The following MINPP1 variants were observed in gnomAD, a reference collection of about 807,000 sequenced individuals.
MINPP1 encodes multiple inositol-polyphosphate phosphatase 1, also known as multiple inositol polyphosphate phosphatase 1.
Under a neutral mutation model 46.1 loss-of-function variants are expected in MINPP1, and 28 were observed. The ratio of observed to expected loss-of-function variants is 0.61; its 90% CI spans 0.45 to 0.83. The LOEUF is 0.83. Ranked by LOEUF, MINPP1 falls within the 40% of genes least tolerant of loss-of-function variation. MINPP1 has a pLI of 0.00. For missense variants in MINPP1, 603 were observed against 610.0 expected, an observed-to-expected ratio of 0.99 and a Z score of 0.12; for synonymous variants, 268 against 249.1, an observed-to-expected ratio of 1.08 and a Z score of -0.72.
chr10:87,540,749 A>T (rs1851804651), intron 4 of MINPP1, among the ~76,000 whole-genome samples: 1 of 152,156 alleles, frequency 6.6e-6, no homozygotes, highest in African/African-American at 2.4e-5. Context: ...AGTTCCTAGG[A>T]GATGGTTTAA....
At chr10:87,518,623 T>C (rs887666550) in intron 3 of MINPP1, among the ~76,000 whole-genome samples, 1 of 151,692 alleles carries the variant, frequency 6.6e-6, no homozygotes, top group Non-Finnish European at 1.5e-5. Flanking sequence ...TACCTGGAGG[T>C]AGTATTAGAT....
intron 1 of MINPP1, chr10:87,507,984 C>T: frequency 7.2e-7 from 1 of 1,383,586 alleles, no homozygotes. Flanking sequence ...TTCTCTCTCA[C>T]CTTGTAAGTA....
intron 1 of MINPP1, chr10:87,507,941 C>G (rs1259350498): frequency 7.7e-7 from 1 of 1,303,416 alleles, no homozygotes; most frequent in Non-Finnish European, 9.7e-7. Context: ...TAGACTTTGG[C>G]TTAGAGTGAA....
At chr10:87,508,668 C>CA (rs1195614722) in intron 2 of MINPP1, 135 bp downstream of exon 2, 10 of 866,124 alleles carry the variant, frequency 1.2e-5, no homozygotes, top group African/African-American at 3.4e-5. Context: ...TGTTCTGGGT[C>CA]AAAAAAATTG....
At chr10:87,514,394 A>G (rs757297177) in intron 3 of MINPP1, among the ~76,000 whole-genome samples, 18 of 152,248 alleles carry the variant, frequency 1.2e-4, no homozygotes, top group Non-Finnish European at 2.1e-4. Flanking sequence ...TTCACGTCTT[A>G]AGTCTTTTAT....
intron 3 of MINPP1, among the ~76,000 whole-genome samples, chr10:87,513,538 C>T (rs886559196): frequency 1.2e-4 from 18 of 152,116 alleles, no homozygotes; most frequent in Admixed American, 8.5e-4. Context: ...GATTATAGAG[C>T]TGATATAATC....
At chr10:87,517,697 A>G (rs1018809642) in intron 3 of MINPP1, among the ~76,000 whole-genome samples, 12 of 152,186 alleles carry the variant, frequency 7.9e-5, no homozygotes, top group South Asian at 2.1e-4. Flanking sequence ...TGCTATGAAC[A>G]TTATTGTATA....
At chr10:87,534,658 A>T (rs1225603454) in intron 4 of MINPP1, among the ~76,000 whole-genome samples, 1 of 152,250 alleles carries the variant, frequency 6.6e-6, no homozygotes, top group African/African-American at 2.4e-5. Context: ...TGACCCCAAC[A>T]GTAGAACCGG....
intron 2 of MINPP1, among the ~76,000 whole-genome samples, chr10:87,509,479 C>G (rs1436243478): frequency 2.0e-5 from 3 of 152,180 alleles, no homozygotes; most frequent in Non-Finnish European, 4.4e-5. Flanking sequence ...GGAAATAATT[C>G]AAACACGAAG....
chr10:87,505,453 A>G lies in MINPP1; in HGVS notation c.538A>G (p.Ile180Val). ...SRENYGRLRLITSSKHRCMDS... is the reference protein window; with the variant it reads ...SRENYGRLRLVTSSKHRCMDS... Reference sequence around the variant, plus strand: ...TGAGAACTACGGCCGCCTGCGGCTCATCACCAGTTCCAAGCACCGCTGCAT... The same window carrying G: ...TGAGAACTACGGCCGCCTGCGGCTCGTCACCAGTTCCAAGCACCGCTGCAT... Residue 180 changes from isoleucine to valine, a missense_variant, in exon 1 of 5, where the codon ATC (isoleucine) becomes GTC (valine). Ile to Val is a conservative substitution (Grantham distance 29). Transcript: ENST00000371996. The surrounding 1 kb of genome is among the most constrained non-coding windows in gnomAD (Gnocchi z 4.4). 2 of 1,613,326 alleles carry G rather than the reference A, an allele frequency of 1.2e-6. No homozygotes were observed. The highest frequency in any genetic ancestry group is 1.7e-6 in the Non-Finnish European group (2 of 1,179,584).
chr10:87,533,217 AT>A (rs889753881), intron 4 of MINPP1, among the ~76,000 whole-genome samples: 21 of 151,088 alleles, frequency 1.4e-4, no homozygotes, highest in Admixed American at 1.1e-3. Flanking sequence ...GTGCCACTGA[AT>A]TTTTTTTTCA....
chr10:87,550,702 G>A (rs1170733345), intron 4 of MINPP1, among the ~76,000 whole-genome samples: 1 of 151,922 alleles, frequency 6.6e-6, no homozygotes, highest in Non-Finnish European at 1.5e-5. Context: ...ATGATGGGTT[G>A]TTTTCTGAGA....
chr10:87,510,394 G>T (rs967075017), intron 2 of MINPP1, among the ~76,000 whole-genome samples: 1 of 152,162 alleles, frequency 6.6e-6, no homozygotes, highest in Admixed American at 6.5e-5. Flanking sequence ...ACATATGAAT[G>T]ACTCGATTTG....
chr10:87,539,668 T>C (rs1479354221), intron 4 of MINPP1, among the ~76,000 whole-genome samples: 1 of 152,212 alleles, frequency 6.6e-6, no homozygotes, highest in Non-Finnish European at 1.5e-5. Flanking sequence ...ACGGGGATTC[T>C]TGGGGTATAG....
At chr10:87,506,523 C>T (rs970400912) in intron 1 of MINPP1, among the ~76,000 whole-genome samples, 2 of 152,070 alleles carry the variant, frequency 1.3e-5, no homozygotes, top group Non-Finnish European at 2.9e-5. Context: ...AATTGATACA[C>T]GAACACATTA....
At chr10:87,536,942 CT>C (rs968287819) in intron 4 of MINPP1, among the ~76,000 whole-genome samples, 59 of 146,252 alleles carry the variant, frequency 4.0e-4, no homozygotes, top group Non-Finnish European at 4.1e-4. Flanking sequence ...GTATTTTTCA[CT>C]TTTTTTTTTT....
chr10:87,520,057 A>AGTTGTGTGTGTGTGTGTGTGTGT (rs1554852418), intron 3 of MINPP1, among the ~76,000 whole-genome samples: 11 of 147,472 alleles, frequency 7.5e-5, no homozygotes, highest in African/African-American at 2.5e-4. Context: ...TAAAAGGTAT[A>AGTTGTGTGTGTGTGTGTGTGTGT]GTGTGTGTGT....
At chr10:87,509,174 A>T (rs1851299059) in intron 2 of MINPP1, among the ~76,000 whole-genome samples, 1 of 152,246 alleles carries the variant, frequency 6.6e-6, no homozygotes, top group South Asian at 2.1e-4. Context: ...TGGGAGATTA[A>T]GAAAATAAGA....
At chr10:87,543,176 G>T (rs1851840491) in intron 4 of MINPP1, among the ~76,000 whole-genome samples, 1 of 152,184 alleles carries the variant, frequency 6.6e-6, no homozygotes. Flanking sequence ...ATGTGGCCTG[G>T]CTGCTTCTAA....
Sources: allele counts gnomAD v4.1 joint callset (sites outside exome capture counted in the v4.1 genomes callset), GRCh38; gene constraint gnomAD v4.1.1; non-coding constraint Gnocchi (gnomAD v3.1); transcripts MANE v1.5; gene names NCBI Gene and HGNC (gene_info 2026-07-23, HGNC 2026-07-21).